The following RAB14 variants were observed in gnomAD, a reference collection of about 807,000 sequenced individuals.
The protein encoded by RAB14 is ras-related protein Rab-14.
A neutral mutation model predicts 31.1 loss-of-function variants in RAB14; 3 were observed. That is an observed-to-expected ratio of 0.10 (90% confidence interval 0.04 to 0.25). The LOEUF (loss-of-function observed/expected upper bound fraction) is 0.25. Ranked by LOEUF, RAB14 falls within the 10% of genes least tolerant of loss-of-function variation. The pLI is 1.00. For synonymous variants in RAB14, 85 were observed against 84.9 expected, an observed-to-expected ratio of 1.00 and a Z score of 0.00; for missense variants, 111 against 260.1, an observed-to-expected ratio of 0.43 and a Z score of 3.94.
At chr9:121,189,743 G>A (rs879642966) in intron 4 of RAB14, among the ~76,000 whole-genome samples, 6 of 152,032 alleles carry the variant, frequency 3.9e-5, no homozygotes, top group African/African-American at 7.2e-5. Flanking sequence ...GGCATTTTCC[G>A]AAAGGAAATA....
chr9:121,186,931 A>G, intron 5 of RAB14, 22 bp downstream of exon 5: 1 of 1,492,996 alleles, frequency 6.7e-7, no homozygotes, highest in South Asian at 1.4e-5. Flanking sequence ...TTTTCTGTGT[A>G]ATAAGATGCC....
Position 121,179,909 on chromosome 9 carries a change from T to C in RAB14, c.*1487A>G, listed in dbSNP as rs1044379727. ...TGTTACCTATTCTATTTCAAATAAATTCTCAATTCCCAGCCACTGAATCAT... is the reference window on the plus strand; with the variant it reads ...TGTTACCTATTCTATTTCAAATAAACTCTCAATTCCCAGCCACTGAATCAT... On this transcript the variant is annotated 3_prime_UTR_variant, in exon 8 of 8. Transcript: ENST00000373840. 6.6e-6 allele frequency: 1 copy of C among 152,564 alleles called. No homozygotes were observed. The highest frequency in any genetic ancestry group is 2.4e-5 in the African/African-American group (1 of 41,432). The allele number at this position is 152,564 out of a possible 1,614,324, so 9.5% of individuals were successfully genotyped here. A position where few individuals can be genotyped will look rare whatever the true frequency, so the allele number is the denominator to read the frequency against.
At chr9:121,188,259 T>C (rs1431651476) in intron 4 of RAB14, among the ~76,000 whole-genome samples, 1 of 152,030 alleles carries the variant, frequency 6.6e-6, no homozygotes, top group African/African-American at 2.4e-5. Context: ...TTGGCATATC[T>C]TGACTTTATA....
intron 4 of RAB14, among the ~76,000 whole-genome samples, chr9:121,188,243 G>A (rs369324614): frequency 4.3e-4 from 65 of 151,820 alleles, no homozygotes; most frequent in Non-Finnish European, 5.5e-4. Context: ...TTTGATATTC[G>A]TATTATTGGC....
At chr9:121,190,532 A>C (rs763523624) in intron 4 of RAB14, 22 bp downstream of exon 4, 1 of 1,544,786 alleles carries the variant, frequency 6.5e-7, no homozygotes, top group Admixed American at 2.0e-5. Flanking sequence ...CCCCATATGA[A>C]GGTTGAAAAA....
intron 5 of RAB14, among the ~76,000 whole-genome samples, chr9:121,186,648 G>A (rs2053661187): frequency 6.6e-6 from 1 of 152,070 alleles, no homozygotes; most frequent in Admixed American, 6.6e-5. Context: ...AAAGTTTTAT[G>A]AAATTAATGC....
In RAB14 at chr9:121,181,496, A is replaced by T; in HGVS notation, c.548T>A (p.Leu183Gln). 1 of 1,613,666 alleles carries T rather than the reference A, an allele frequency of 6.2e-7. No individual in the cohort carries two copies. ...YQNIQDGSLD[L>Q]NAAESGVQHK... ...TTGTACACCAGACTCAGCAGCATTC[A>T]GATCCAAGCTTCCATCCTGAATGTT... The change falls in exon 8 of 8, where the codon CTG (leucine) becomes CAG (glutamine). Residue 183 changes from leucine (L) to glutamine (Q), a missense_variant. Coordinates refer to ENST00000373840, the MANE Select transcript of RAB14 (RefSeq NM_016322.4).
chr9:121,198,125 T>C (rs2132030266), intron 1 of RAB14, among the ~76,000 whole-genome samples: 2 of 151,984 alleles, frequency 1.3e-5, no homozygotes, highest in East Asian at 1.9e-4. Flanking sequence ...AATAGAGAAA[T>C]TATTAACTTT....
chr9:121,186,612 C>T (rs1403495808), intron 5 of RAB14, among the ~76,000 whole-genome samples: 1 of 152,076 alleles, frequency 6.6e-6, no homozygotes. Context: ...ATCTCTTCTA[C>T]GTTTTGCCCA....
intron 3 of RAB14, among the ~76,000 whole-genome samples, chr9:121,191,452 G>A (rs1365242918): frequency 4.6e-5 from 7 of 152,136 alleles, no homozygotes; most frequent in Admixed American, 4.6e-4. Flanking sequence ...AGCCTCCCAC[G>A]TAAGTCTCCC....
At chr9:121,194,501 G>C (rs1463686361) in intron 1 of RAB14, among the ~76,000 whole-genome samples, 1 of 152,128 alleles carries the variant, frequency 6.6e-6, no homozygotes, top group Non-Finnish European at 1.5e-5. Flanking sequence ...CTAGGTCCTA[G>C]AGAGAAACAA....
chr9:121,189,963 ATTACT>A (rs1473467136), intron 4 of RAB14, among the ~76,000 whole-genome samples: 1 of 152,114 alleles, frequency 6.6e-6, no homozygotes, highest in Admixed American at 6.6e-5. Flanking sequence ...CAGTAGTTTT[ATTACT>A]TTACATCAAG....
chr9:121,201,271 G>A (rs1028706678), intron 1 of RAB14, among the ~76,000 whole-genome samples: 1 of 152,184 alleles, frequency 6.6e-6, no homozygotes, highest in Non-Finnish European at 1.5e-5. Context: ...GGCTGCGGCC[G>A]CGGGGAACAG....
chr9:121,188,494 A>G (rs1313648872), intron 4 of RAB14, among the ~76,000 whole-genome samples: 2 of 151,504 alleles, frequency 1.3e-5, no homozygotes, highest in Admixed American at 6.6e-5. Flanking sequence ...ATAATTTTAA[A>G]TCTATAAATA....
At chr9:121,190,888 G>A (rs773340724) in intron 3 of RAB14, among the ~76,000 whole-genome samples, 157 bp from the exon 4 acceptor site, 1 of 152,040 alleles carries the variant, frequency 6.6e-6, no homozygotes, top group Non-Finnish European at 1.5e-5. Context: ...CAAACACCCA[G>A]AAGTAAGAAG....
chr9:121,182,367 G>C (rs2053638084), intron 7 of RAB14, among the ~76,000 whole-genome samples: 2 of 152,296 alleles, frequency 1.3e-5, no homozygotes, highest in Non-Finnish European at 2.9e-5. Flanking sequence ...GTTTTCTTTG[G>C]ACTAATAGCA....
intron 5 of RAB14, among the ~76,000 whole-genome samples, chr9:121,186,533 C>T (rs550166409): frequency 1.3e-5 from 2 of 152,208 alleles, no homozygotes; most frequent in Non-Finnish European, 2.9e-5. Context: ...CTTAATTCTC[C>T]TCCTGTAGTT....
At position 121,179,832 on chromosome 9, in the gene RAB14, G is replaced by A. The variant is rs528400488; in HGVS notation, c.*1564C>T. The A allele has an allele frequency of 1.2e-4, 18 of 152,650 alleles. No homozygotes were observed. In the East Asian group the frequency reaches 2.7e-3, roughly 23 times the overall value. The allele number at this position is 152,650 out of a possible 1,614,324, so 9.5% of individuals were successfully genotyped here. A position where few individuals can be genotyped will look rare whatever the true frequency, so the allele number is the denominator to read the frequency against. On this transcript the variant is annotated 3_prime_UTR_variant, in exon 8 of 8. Coordinates refer to ENST00000373840, the MANE Select transcript of RAB14 (RefSeq NM_016322.4). ...GTCTGTAAAGAGGGATTTAAAATGT[G>A]TATTTTAAACACAGCAGTTGAGCTG... is the stretch of plus-strand genomic sequence containing the variant.
chr9:121,200,585 T>C (rs1476686369), intron 1 of RAB14, among the ~76,000 whole-genome samples: 1 of 152,188 alleles, frequency 6.6e-6, no homozygotes, highest in Non-Finnish European at 1.5e-5. Context: ...TTATGGACTT[T>C]AGGTCATAAA....
Sources: allele counts gnomAD v4.1 joint callset (sites outside exome capture counted in the v4.1 genomes callset), GRCh38; gene constraint gnomAD v4.1.1; transcripts MANE v1.5; gene names NCBI Gene and HGNC (gene_info 2026-07-23, HGNC 2026-07-21).